The following ARID5B variants were observed in gnomAD, a reference collection of about 807,000 sequenced individuals.
ARID5B encodes the protein AT-rich interactive domain-containing protein 5B.
A neutral mutation model predicts 97.2 loss-of-function variants in ARID5B; 13 were observed. That is an observed-to-expected ratio of 0.13 (90% confidence interval 0.09 to 0.21). ARID5B has a LOEUF of 0.21. Ranked by LOEUF, ARID5B falls within the 10% of genes least tolerant of loss-of-function variation. ARID5B has a pLI of 1.00. For missense variants in ARID5B, 1,210 were observed against 1,465.3 expected (o/e 0.83, Z 2.84); for synonymous variants, 556 against 570.3 (o/e 0.97, Z 0.36).
At chr10:61,987,644 G>A (rs927140723) in intron 3 of ARID5B, among the ~76,000 whole-genome samples, 6 of 152,192 alleles carry the variant, frequency 3.9e-5, no homozygotes, top group African/African-American at 7.2e-5. Context: ...CAACTGTGCC[G>A]TCGTAGTGTA....
At chr10:61,954,186 C>T (rs780305773) in intron 3 of ARID5B, among the ~76,000 whole-genome samples, 22 of 151,762 alleles carry the variant, frequency 1.4e-4, no homozygotes, top group Admixed American at 2.6e-4. Flanking sequence ...GGAGAAACCC[C>T]GTATCCACTA....
intron 8 of ARID5B, among the ~76,000 whole-genome samples, chr10:62,074,421 G>A (rs1199344723): frequency 6.6e-6 from 1 of 152,214 alleles, no homozygotes; most frequent in African/African-American, 2.4e-5. Flanking sequence ...CTTAAGGTGA[G>A]CTGTACCCAA....
chr10:61,906,325 G>A (rs1843707799), intron 2 of ARID5B, among the ~76,000 whole-genome samples: 1 of 152,162 alleles, frequency 6.6e-6, no homozygotes. Context: ...GGAGTTAAGT[G>A]TCTTTAGTAA....
At chr10:61,928,731 C>A (rs566823872) in intron 2 of ARID5B, among the ~76,000 whole-genome samples, 32 of 152,308 alleles carry the variant, frequency 2.1e-4, no homozygotes, top group African/African-American at 7.5e-4. Flanking sequence ...CTCATTTCAC[C>A]GCTGACCAGT....
At chr10:62,088,014 A>G (rs2132980894) in intron 9 of ARID5B, among the ~76,000 whole-genome samples, 1 of 152,066 alleles carries the variant, frequency 6.6e-6, no homozygotes, top group Non-Finnish European at 1.5e-5. Context: ...ACAGGCATGC[A>G]CCACCACACC....
chr10:62,072,429 A>C (rs1256415345), intron 8 of ARID5B, among the ~76,000 whole-genome samples: 1 of 152,236 alleles, frequency 6.6e-6, no homozygotes, highest in Non-Finnish European at 1.5e-5. Flanking sequence ...TAGCTGACAA[A>C]AGGGATGTGT....
At chr10:62,065,910 A>G (rs1165940166) in intron 7 of ARID5B, among the ~76,000 whole-genome samples, 2 of 151,670 alleles carry the variant, frequency 1.3e-5, no homozygotes, top group Admixed American at 6.6e-5. Flanking sequence ...AAAAGCTAAT[A>G]TAATAGAAGG....
chr10:62,051,005 G>C lies in ARID5B; in HGVS notation c.846+5G>C, dbSNP rs576995601. 1 of 1,604,008 alleles carries C rather than the reference G, an allele frequency of 6.2e-7. No individual in the cohort carries two copies. The highest frequency in any genetic ancestry group is 8.5e-7 in the Non-Finnish European group (1 of 1,170,810). The stretch of plus-strand genomic sequence containing the variant: ...GATGGCAAAGCCGTTGCCAAGGTAC[G>C]GTCATTCACTCCACGGTATTCATTT... On this transcript the variant is annotated splice_donor_5th_base_variant and intron_variant, in intron 5 of 9. Transcript: ENST00000279873.
In ARID5B at chr10:62,092,929, G is replaced by A. The variant is rs779001361; in HGVS notation, c.3466G>A (p.Asp1156Asn). ...AATPVGSSYGDLLHNSIYPLA... is the reference protein window; with the variant it reads ...AATPVGSSYGNLLHNSIYPLA... ...TACACCTGTAGGAAGTTCATATGGG[G>A]ACCTTTTGCATAACAGCATTTACCC... The change falls in exon 10 of 10, where the codon GAC becomes AAC. Residue 1156 changes from aspartate to asparagine, a missense_variant. Physicochemically the swap from Asp to Asn is conservative, Grantham distance 23 (BLOSUM62 1). Coordinates refer to ENST00000279873, the MANE Select transcript of ARID5B (RefSeq NM_032199.3). The A allele has an allele frequency of 6.2e-7, 1 of 1,614,148 alleles. No individual in the cohort carries two copies. The highest frequency in any genetic ancestry group is 8.5e-7 in the Non-Finnish European group (1 of 1,180,018).
chr10:62,029,476 G>T (rs1438924224), intron 4 of ARID5B, among the ~76,000 whole-genome samples: 1 of 152,218 alleles, frequency 6.6e-6, no homozygotes, highest in African/African-American at 2.4e-5. Context: ...AGCTAAGAAA[G>T]AGTAGGAAGA....
intron 2 of ARID5B, among the ~76,000 whole-genome samples, chr10:61,928,071 G>T (rs1382261415): frequency 1.3e-5 from 2 of 152,078 alleles, no homozygotes; most frequent in Non-Finnish European, 2.9e-5. Context: ...CTTCAGGCTG[G>T]TCCCTTCAGG....
intron 4 of ARID5B, among the ~76,000 whole-genome samples, chr10:62,005,413 A>G (rs1372148796): frequency 1.3e-5 from 2 of 152,206 alleles, no homozygotes; most frequent in Non-Finnish European, 2.9e-5. Context: ...AAGATTCTCT[A>G]CTGTTTCTAT....
intron 2 of ARID5B, among the ~76,000 whole-genome samples, chr10:61,936,340 G>A (rs150488718): frequency 1.6e-4 from 25 of 152,322 alleles, no homozygotes; most frequent in African/African-American, 5.8e-4. Context: ...TTTCTGGGCC[G>A]GGTGCGGTGG....
intron 4 of ARID5B, chr10:62,046,904 C>T (rs1238916287): frequency 6.6e-6 from 1 of 152,148 alleles, no homozygotes; most frequent in Non-Finnish European, 1.5e-5. Context: ...CACCCTCGTG[C>T]TATGTAGTAC....
At chr10:61,947,485 G>A (rs1838255380) in intron 3 of ARID5B, among the ~76,000 whole-genome samples, 1 of 151,796 alleles carries the variant, frequency 6.6e-6, no homozygotes, top group Admixed American at 6.6e-5. Context: ...TGGCCAGGCT[G>A]GTCACAGACT....
chr10:62,029,644 T>C (rs1156246955), intron 4 of ARID5B, among the ~76,000 whole-genome samples: 2 of 152,196 alleles, frequency 1.3e-5, no homozygotes, highest in African/African-American at 4.8e-5. Flanking sequence ...GGAAAGAGTA[T>C]ATAATCAGCC....
intron 4 of ARID5B, among the ~76,000 whole-genome samples, chr10:62,007,670 G>A (rs181369032): frequency 6.5e-4 from 99 of 152,206 alleles, no homozygotes; most frequent in South Asian, 1.2e-3. Flanking sequence ...ACCACATACT[G>A]GTTCTGTAGT....
At chr10:61,904,223 TC>T (rs1843670968) in intron 2 of ARID5B, among the ~76,000 whole-genome samples, 1 of 152,102 alleles carries the variant, frequency 6.6e-6, no homozygotes, top group African/African-American at 2.4e-5. Flanking sequence ...TCTGACTAAG[TC>T]CAGGAGGAAA....
intron 3 of ARID5B, among the ~76,000 whole-genome samples, chr10:61,960,028 T>C (rs1176700664): frequency 2.0e-5 from 3 of 152,226 alleles, no homozygotes; most frequent in Non-Finnish European, 4.4e-5. Context: ...AGAACCATTA[T>C]GCTGTGAAGA....
Sources: allele counts gnomAD v4.1 joint callset (sites outside exome capture counted in the v4.1 genomes callset), GRCh38; gene constraint gnomAD v4.1.1; transcripts MANE v1.5; gene names NCBI Gene and HGNC (gene_info 2026-07-23, HGNC 2026-07-21).